Variants in OTUB2 observed in about 807,000 individuals in gnomAD.
OTUB2 encodes ubiquitin thioesterase OTUB2.
Under a neutral mutation model 25.1 loss-of-function variants are expected in OTUB2, and 21 were observed. The observed-to-expected ratio is 0.84, with a 90% confidence interval of 0.59 to 1.21. The LOEUF is 1.21. Among genes scored for constraint, OTUB2 ranks in the 50% most tolerant of loss-of-function variants. The pLI is 0.00. For missense variants in OTUB2, 283 were observed against 298.0 expected, an observed-to-expected ratio of 0.95 and a Z score of 0.37; for synonymous variants, 122 against 122.8, an observed-to-expected ratio of 0.99 and a Z score of 0.04.
At chr14:94,037,012 G>A (rs560050055) in intron 1 of OTUB2, among the ~76,000 whole-genome samples, 7 of 152,304 alleles carry the variant, frequency 4.6e-5, no homozygotes, top group East Asian at 1.9e-4. Context: ...ATGAATGAAC[G>A]AATGAATGAA....
At chr14:94,028,810 C>T (rs1406423633) in intron 1 of OTUB2, among the ~76,000 whole-genome samples, 1 of 152,132 alleles carries the variant, frequency 6.6e-6, no homozygotes, top group East Asian at 1.9e-4. Context: ...AGTGAGAGGT[C>T]AATATGCTCT....
chr14:94,035,692 C>G (rs550604970), intron 1 of OTUB2, among the ~76,000 whole-genome samples: 2 of 152,176 alleles, frequency 1.3e-5, no homozygotes, highest in African/African-American at 4.8e-5. Flanking sequence ...TTTGGTGCCA[C>G]CAGAAAGGGC....
At chr14:94,032,113 G>A (rs987080325) in intron 1 of OTUB2, among the ~76,000 whole-genome samples, 4 of 152,120 alleles carry the variant, frequency 2.6e-5, no homozygotes, top group East Asian at 3.9e-4. Context: ...GACCAACTTC[G>A]GCGGACTTGG....
intron 2 of OTUB2, 32 bp from the exon 3 acceptor site, chr14:94,038,931 C>A (rs766140466): frequency 8.1e-5 from 130 of 1,597,144 alleles, no homozygotes; most frequent in Non-Finnish European, 1.1e-4. Flanking sequence ...GTTGTTGGTG[C>A]AAATGCCCAC....
intron 1 of OTUB2, among the ~76,000 whole-genome samples, chr14:94,035,207 C>T (rs1885028594): frequency 6.6e-6 from 1 of 152,022 alleles, no homozygotes; most frequent in Non-Finnish European, 1.5e-5. Flanking sequence ...CTTCTTCCCA[C>T]CCCCCAAGTG....
At chr14:94,031,663 A>G (rs1884964720) in intron 1 of OTUB2, among the ~76,000 whole-genome samples, 2 of 152,190 alleles carry the variant, frequency 1.3e-5, no homozygotes, top group Non-Finnish European at 1.5e-5. Context: ...GCCAGTCTGA[A>G]CACAAAGCCC....
At chr14:94,039,349 G>A (rs1018032133) in intron 3 of OTUB2, 3 of 511,740 alleles carry the variant, frequency 5.9e-6, no homozygotes, top group African/African-American at 5.8e-5. Context: ...GCCCAGGTGA[G>A]TCGCAGGGAG....
chr14:94,045,248 C>T (rs368877452), intron 5 of OTUB2, among the ~76,000 whole-genome samples: 11 of 152,186 alleles, frequency 7.2e-5, no homozygotes, highest in African/African-American at 1.7e-4. Flanking sequence ...GTAGGACATA[C>T]GCCTGCTTGC....
Position 94,044,698 on chromosome 14 carries a change from C to T in OTUB2, c.416C>T (p.Thr139Met), listed in dbSNP as rs779026394. The T allele has an allele frequency of 1.1e-5, 18 of 1,614,146 alleles. No individual in the cohort carries two copies. The highest frequency in any genetic ancestry group is 2.7e-5 in the African/African-American group (2 of 75,062). ...ATCGTGCAGTTCCTGCGCCTGCTCACGTCGGCCTTCATCAGGAACCGAGCA... is the reference window on the plus strand; with the variant it reads ...ATCGTGCAGTTCCTGCGCCTGCTCATGTCGGCCTTCATCAGGAACCGAGCA... ...DHIVQFLRLLTSAFIRNRADF... is the reference protein window; with the variant it reads ...DHIVQFLRLLMSAFIRNRADF... The change falls in exon 5 of 6, where the codon ACG (threonine) becomes ATG (methionine). Residue 139 changes from threonine (T) to methionine (M), a missense_variant. Transcript: ENST00000203664.
intron 1 of OTUB2, among the ~76,000 whole-genome samples, chr14:94,026,776 C>T (rs960201326): frequency 2.0e-5 from 3 of 152,176 alleles, no homozygotes; most frequent in African/African-American, 7.2e-5. Flanking sequence ...CGGCCCCGAG[C>T]CCCCGCCCCC....
intron 1 of OTUB2, among the ~76,000 whole-genome samples, chr14:94,033,031 C>T (rs1478895084): frequency 6.6e-6 from 1 of 152,194 alleles, no homozygotes; most frequent in Admixed American, 6.5e-5. Context: ...CCTGCCTTGG[C>T]CTCCCAAGTA....
At chr14:94,044,912 C>G (rs1885241354) in intron 5 of OTUB2, 132 bp downstream of exon 5, 1 of 937,160 alleles carries the variant, frequency 1.1e-6, no homozygotes, top group African/African-American at 1.7e-5. Context: ...AGAGCTAGGT[C>G]AGCAAGCTGC....
intron 5 of OTUB2, 112 bp from the exon 6 acceptor site, chr14:94,045,604 G>A (rs1885258492): frequency 1.9e-6 from 2 of 1,035,416 alleles, no homozygotes; most frequent in Non-Finnish European, 2.8e-6. Context: ...TTGTGAAGAT[G>A]ACGTCCCAGC....
chr14:94,043,878 TG>T, intron 3 of OTUB2, 92 bp from the exon 4 acceptor site: 1 of 1,139,280 alleles, frequency 8.8e-7, no homozygotes. Context: ...ATGAGGTTGG[TG>T]GGCGCAGTGG....
At chr14:94,038,827 C>A (rs1885105851) in intron 2 of OTUB2, 136 bp from the exon 3 acceptor site, 2 of 808,612 alleles carry the variant, frequency 2.5e-6, no homozygotes, top group Admixed American at 1.7e-5. Context: ...GGGTGGGAGG[C>A]TGAGGGGATA....
chr14:94,037,545 C>G lies in OTUB2; in HGVS notation c.99+70C>G, dbSNP rs367746055. On this transcript the variant is annotated intron_variant, in intron 2 of 5. Transcript: ENST00000203664. ...TGGAGTTGGGAGTGTAATGGTGATG[C>G]CTCTTTGAAGGCCGATAGTTTGGGC... 7 of 1,092,626 alleles carry G rather than the reference C, an allele frequency of 6.4e-6. No homozygotes were observed. In the African/African-American group the frequency reaches 1.1e-4, roughly 17 times the overall value. The allele number at this position is 1,092,626 out of a possible 1,614,324, so 67.7% of individuals were successfully genotyped here. A position where few individuals can be genotyped will look rare whatever the true frequency, so the allele number is the denominator to read the frequency against.
rs1377882295 is a variant in OTUB2, at chr14:94,044,613, A to G, written c.331A>G (p.Lys111Glu). ...TTACAGTGTGGTGGAACTGGTAGAG[A>G]AGGATGGCTCAGTGTCCAGCCTGCT... ...AFYSVVELVE[K>E]DGSVSSLLKV... Residue 111 changes from lysine (K) to glutamate (E), a missense_variant, in exon 5 of 6, where the codon AAG (lysine) becomes GAG (glutamate). Coordinates refer to ENST00000203664, the MANE Select transcript of OTUB2 (RefSeq NM_023112.4). 6.2e-7 allele frequency: 1 copy of G among 1,613,828 alleles called. No homozygotes were observed. The highest frequency in any genetic ancestry group is 2.2e-5 in the East Asian group (1 of 44,892).
At position 94,039,008 on chromosome 14, in the gene OTUB2, G is replaced by A; in HGVS notation, c.145G>A (p.Gly49Arg). ...CGCCATCCGCAAGACCAAAGGGGAT[G>A]GGAACTGCTTCTACAGGGCCTTGGG... The part of the protein sequence containing the change: ...FTAIRKTKGD[G>R]NCFYRALGYS... The change falls in exon 3 of 6, where the codon GGG (glycine) becomes AGG (arginine). Residue 49 changes from glycine to arginine, a missense_variant. By Grantham distance (125) the Gly-to-Arg change is moderately radical. Transcript: ENST00000203664. The A allele has an allele frequency of 6.2e-7, 1 of 1,614,232 alleles. No individual in the cohort carries two copies. Among genetic ancestry groups the A allele is most frequent in the Non-Finnish European group, 8.5e-7 (1 of 1,180,030 alleles).
At position 94,043,881 on chromosome 14, in the gene OTUB2, G is replaced by A; in HGVS notation, c.219-90G>A. ...GCTGGACTAGAGATGAGGTTGGTGG[G>A]CGCAGTGGGTTGAGAGGGGGACGCA... On this transcript the variant is annotated intron_variant, in intron 3 of 5. Transcript: ENST00000203664. The A allele has an allele frequency of 4.2e-6, 5 of 1,180,064 alleles. No homozygotes were observed. In the Admixed American group the frequency reaches 8.5e-5, roughly 20 times the overall value. 73.1% of individuals were successfully genotyped at this position (1,180,064 alleles called of 1,614,324 possible).
Sources: gnomAD v4.1 joint callset for allele counts (sites outside exome capture counted in the v4.1 genomes callset) on GRCh38, gnomAD v4.1.1 for gene constraint, MANE v1.5 for transcripts, NCBI Gene and HGNC (gene_info 2026-07-23, HGNC 2026-07-21) for gene names.